PCDHGA9: variants seen among roughly 807,000 people sequenced by gnomAD.
PCDHGA9 encodes the protein protocadherin gamma-A9.
In PCDHGA9, 37 loss-of-function variants were observed where a neutral mutation model predicts 62.5. That is an observed-to-expected ratio of 0.59 (90% CI 0.46 to 0.78). The LOEUF (loss-of-function observed/expected upper bound fraction) is 0.78. Ranked by LOEUF, PCDHGA9 falls within the 30% of genes least tolerant of loss-of-function variation. The pLI, the probability that PCDHGA9 is intolerant of heterozygous loss-of-function variation, is 0.00. For synonymous variants in PCDHGA9, 459 were observed against 484.6 expected, an observed-to-expected ratio of 0.95 and a Z score of 0.69; for missense variants, 1,138 against 1,166.2, an observed-to-expected ratio of 0.98 and a Z score of 0.35.
Position 141,423,508 on chromosome 5 carries a change from A to T in PCDHGA9, c.2424+18132A>T, listed in dbSNP as rs962526072. ...AACCTATTCCCACGAGGTCTCTCTCATTGCGGACTCGCAGAAGAGTCACCT... is the reference window on the plus strand; with the variant it reads ...AACCTATTCCCACGAGGTCTCTCTCTTTGCGGACTCGCAGAAGAGTCACCT... On this transcript the variant is annotated intron_variant, in intron 1 of 3. Coordinates refer to ENST00000573521, the MANE Select transcript of PCDHGA9 (RefSeq NM_018921.3). The T allele has an allele frequency of 9.9e-6, 16 of 1,613,742 alleles. No homozygotes were observed. The highest frequency in any genetic ancestry group is 1.6e-4 in the Middle Eastern group (1 of 6,084).
intron 1 of PCDHGA9, chr5:141,415,746 T>TTG: frequency 3.0e-6 from 2 of 662,596 alleles, no homozygotes; most frequent in Non-Finnish European, 3.7e-6. Flanking sequence ...TAAGGTTTTT[T>TTG]TTTTTTTTTT....
intron 1 of PCDHGA9, chr5:141,478,917 T>A: frequency 1.3e-6 from 1 of 772,666 alleles, no homozygotes; most frequent in Middle Eastern, 3.9e-4. Flanking sequence ...TGGATACCTC[T>A]AACCAGTGGC....
intron 2 of PCDHGA9, among the ~76,000 whole-genome samples, chr5:141,497,539 C>A (rs2099777336): frequency 6.9e-6 from 1 of 145,274 alleles, no homozygotes; most frequent in African/African-American, 2.6e-5. Context: ...ATGCAACAAA[C>A]CTTTTTTTTT....
chr5:141,488,564 G>A (rs1047904416), intron 1 of PCDHGA9, among the ~76,000 whole-genome samples: 4 of 152,154 alleles, frequency 2.6e-5, no homozygotes, highest in Non-Finnish European at 5.9e-5. Context: ...TGAGATTTCC[G>A]CAAAGCATTG....
rs202006594 is a variant in PCDHGA9 at position 141,477,618 on chromosome 5, C to G, written c.2425-17189C>G. On this transcript the variant is annotated intron_variant, in intron 1 of 3. Coordinates refer to ENST00000573521, the MANE Select transcript of PCDHGA9 (RefSeq NM_018921.3). The surrounding 1 kb of genome is among the most constrained non-coding windows in gnomAD (Gnocchi z 4.9). ...TCTTTCTTTCTCTTGGAGCAAGGAGCTGAAACCGGGCTAGTGGGTCGCTAT... is the reference window on the plus strand; with the variant it reads ...TCTTTCTTTCTCTTGGAGCAAGGAGGTGAAACCGGGCTAGTGGGTCGCTAT... 6.2e-7 allele frequency: 1 copy of G among 1,614,176 alleles called. No individual in the cohort carries two copies. Among genetic ancestry groups the G allele is most frequent in the East Asian group, 2.2e-5 (1 of 44,890 alleles).
intron 1 of PCDHGA9, chr5:141,414,532 C>T (rs747661760): frequency 1.9e-6 from 3 of 1,613,930 alleles, no homozygotes; most frequent in Admixed American, 3.3e-5. Flanking sequence ...CAATGACAAC[C>T]CACCTACCTT....
At position 141,476,666 on chromosome 5, in the gene PCDHGA9, G is replaced by A. The variant is rs2099395856; in HGVS notation, c.2425-18141G>A. On this transcript the variant is annotated intron_variant, in intron 1 of 3. Coordinates refer to ENST00000573521, the MANE Select transcript of PCDHGA9 (RefSeq NM_018921.3). The surrounding 1 kb of genome is among the most constrained non-coding windows in gnomAD (Gnocchi z 7.6). The stretch of plus-strand genomic sequence containing the variant: ...CCGAAATGAATACTTTGCGCTTCGC[G>A]TGCAGACGCGGGAGGACAGCACCAA... 6.2e-7 allele frequency: 1 copy of A among 1,614,128 alleles called. No individual in the cohort carries two copies.
chr5:141,500,688 T>C (rs2099802014), intron 2 of PCDHGA9, among the ~76,000 whole-genome samples: 1 of 152,224 alleles, frequency 6.6e-6, no homozygotes, highest in Non-Finnish European at 1.5e-5. Flanking sequence ...TATAGCTTTT[T>C]TCTTCTTTGC....
rs773688197 is a variant in PCDHGA9, at chr5:141,432,412, C to T, written c.2424+27036C>T. On this transcript the variant is annotated intron_variant, in intron 1 of 3. Transcript: ENST00000573521. This position sits in a 1 kb window ranked among gnomAD's most constrained non-coding sequence, Gnocchi z 6.0. ...GCAGCAACGTGTCGTTGAGCCTGTT[C>T]GTGCTGGACCAGAACGACAATGCGC... 5 of 1,614,128 alleles carry T rather than the reference C, an allele frequency of 3.1e-6. No individual in the cohort carries two copies. The highest frequency in any genetic ancestry group is 4.5e-5 in the East Asian group (2 of 44,894).
In PCDHGA9 at chr5:141,512,243, C is replaced by T. The variant is rs1205585993; in HGVS notation, c.*1070C>T. ...AGGTCCCCTTGAGAGGTCAGAGGGG[C>T]CTCTGTGGGTGCTGGGTACTCCAGA... On this transcript the variant is annotated 3_prime_UTR_variant, in exon 4 of 4. Transcript: ENST00000573521. 2 of 152,728 alleles carry T rather than the reference C, an allele frequency of 1.3e-5. No homozygotes were observed. The highest frequency in any genetic ancestry group is 1.5e-5 in the Non-Finnish European group (1 of 68,138). 9.5% of individuals were successfully genotyped at this position (152,728 alleles called of 1,614,324 possible).
chr5:141,444,001 C>G (rs2098413288), intron 1 of PCDHGA9, among the ~76,000 whole-genome samples: 1 of 151,914 alleles, frequency 6.6e-6, no homozygotes, highest in Non-Finnish European at 1.5e-5. Flanking sequence ...TTAAATGCTA[C>G]CTGGGTATTG....
At position 141,490,003 on chromosome 5, in the gene PCDHGA9, G is replaced by A. The variant is rs2099694760; in HGVS notation, c.2425-4804G>A. On this transcript the variant is annotated intron_variant, in intron 1 of 3. Transcript: ENST00000573521. This position sits in a 1 kb window ranked among gnomAD's most constrained non-coding sequence, Gnocchi z 5.4. ...TCTACGTGTGGGAATCCCAGAGAAT[G>A]CACCCATTGGTACTCTGCTGCTCCG... 6.2e-7 allele frequency: 1 copy of A among 1,614,204 alleles called. No homozygotes were observed. Among genetic ancestry groups the A allele is most frequent in the Non-Finnish European group, 8.5e-7 (1 of 1,180,008 alleles).
In PCDHGA9 at chr5:141,500,938, G is replaced by A. The variant is rs1317178701; in HGVS notation, c.2484-4455G>A. On this transcript the variant is annotated intron_variant, in intron 2 of 3. Transcript: ENST00000573521. Reference sequence around the variant, plus strand: ...GGCTGGGGTGCAGTGGCGCCATCTCGGCTCACTGCAAGCTCCACCTCCTGG... The same window carrying A: ...GGCTGGGGTGCAGTGGCGCCATCTCAGCTCACTGCAAGCTCCACCTCCTGG... 2.6e-5 allele frequency among the ~76,000 whole-genome samples: 4 copies of A among 151,060 alleles called. No homozygotes were observed. The East Asian group carries it at 5.8e-4, about 22-fold the overall frequency.
Position 141,511,186 on chromosome 5 carries a change from G to A in PCDHGA9, c.*13G>A. 1 of 1,613,906 alleles carries A rather than the reference G, an allele frequency of 6.2e-7. No individual in the cohort carries two copies. The highest frequency in any genetic ancestry group is 8.5e-7 in the Non-Finnish European group (1 of 1,179,890). ...GGAGAAGAAGTAACATGGAGGCCAG[G>A]CCAAGAGCCACAGGGCGGCCTCTCC... On this transcript the variant is annotated 3_prime_UTR_variant, in exon 4 of 4. Transcript: ENST00000573521.
At position 141,508,878 on chromosome 5, in the gene PCDHGA9, C is replaced by A. The variant is rs189735747; in HGVS notation, c.2573-2069C>A. The stretch of plus-strand genomic sequence containing the variant: ...GGCTGGGAAAGGCTGAAGAGGCTGA[C>A]GGCTGGAGGGGAGGGGGCGGGGCGG... On this transcript the variant is annotated intron_variant, in intron 3 of 3. Transcript: ENST00000573521. Among the ~76,000 whole-genome samples, 561 of 152,074 alleles carry A rather than the reference C, an allele frequency of 3.7e-3. 3 individuals carry two copies. The highest frequency in any genetic ancestry group is 0.012 in the African/African-American group (508 of 41,498).
chr5:141,503,547 C>T (rs545918096), intron 2 of PCDHGA9, among the ~76,000 whole-genome samples: 22 of 147,734 alleles, frequency 1.5e-4, no homozygotes, highest in African/African-American at 4.8e-4. Flanking sequence ...TGCAGTGAGC[C>T]GAGATCGCGC....
chr5:141,428,081 C>T (rs768842388), intron 1 of PCDHGA9: 2 of 1,609,218 alleles, frequency 1.2e-6, no homozygotes, highest in Non-Finnish European at 1.7e-6. Context: ...CGGGACACAA[C>T]GCTTGGCTGT....
Position 141,489,092 on chromosome 5 carries a change from A to AATT in PCDHGA9, c.2425-5714_2425-5713insTTA. 2.9e-6 allele frequency: 1 copy of AATT among 348,332 alleles called. No individual in the cohort carries two copies. Among genetic ancestry groups the AATT allele is most frequent in the Non-Finnish European group, 4.7e-6 (1 of 214,538 alleles). 21.6% of individuals were successfully genotyped at this position (348,332 alleles called of 1,614,324 possible). A position where few individuals can be genotyped will look rare whatever the true frequency, so the allele number is the denominator to read the frequency against. On this transcript the variant is annotated intron_variant, in intron 1 of 3. Transcript: ENST00000573521. This position sits in a 1 kb window ranked among gnomAD's most constrained non-coding sequence, Gnocchi z 4.5. Reference sequence around the variant, plus strand: ...TGCCCACCCCCGCCACTCGGTGACTAAGAACTGCTGCAAGCAGGCAAACCT... The same window carrying AATT: ...TGCCCACCCCCGCCACTCGGTGACTAATTAGAACTGCTGCAAGCAGGCAAACCT...
chr5:141,419,304 G>T, intron 1 of PCDHGA9: 1 of 1,613,994 alleles, frequency 6.2e-7, no homozygotes, highest in Non-Finnish European at 8.5e-7. Context: ...CCAGACTTCG[G>T]GCTCAACGGC....
Sources: allele counts gnomAD v4.1 joint callset (sites outside exome capture counted in the v4.1 genomes callset), GRCh38; gene constraint gnomAD v4.1.1; non-coding constraint Gnocchi (gnomAD v3.1); transcripts MANE v1.5; gene names NCBI Gene and HGNC (gene_info 2026-07-23, HGNC 2026-07-21).